LRP1B: variants seen among roughly 807,000 people sequenced by gnomAD.
LRP1B encodes the protein LDL receptor related protein 1B, also known as low-density lipoprotein receptor-related protein 1B.
LRP1B carries 217 observed loss-of-function variants against 556.6 expected under a neutral mutation model. The ratio of observed to expected loss-of-function variants is 0.39; its 90% confidence interval spans 0.35 to 0.44. LRP1B has a LOEUF of 0.44. LRP1B is among the 20% of genes least tolerant of loss of function. The pLI, the probability that LRP1B is intolerant of heterozygous loss-of-function variation, is 1.00. For missense variants in LRP1B, 5,053 were observed against 5,620.8 expected (o/e 0.90, Z 3.23); for synonymous variants, 2,047 against 1,865.8 (o/e 1.10, Z -2.50).
intron 35 of LRP1B, among the ~76,000 whole-genome samples, chr2:140,747,580 A>G (rs1170610392): frequency 6.6e-6 from 1 of 152,160 alleles, no homozygotes; most frequent in Non-Finnish European, 1.5e-5. Context: ...TTCAATGTCA[A>G]TTTGCAAGGA....
At chr2:140,761,829 T>C (rs925264539) in intron 35 of LRP1B, among the ~76,000 whole-genome samples, 11 of 151,346 alleles carry the variant, frequency 7.3e-5, no homozygotes, top group African/African-American at 2.7e-4. Flanking sequence ...ATAGAAGCTA[T>C]GACATTATAA....
chr2:141,378,148 TC>T (rs1689506061), intron 3 of LRP1B, among the ~76,000 whole-genome samples: 1 of 152,166 alleles, frequency 6.6e-6, no homozygotes, highest in African/African-American at 2.4e-5. Context: ...AAGGAAATAA[TC>T]TGATTTCCAG....
chr2:140,564,427 G>A lies in LRP1B; in HGVS notation c.7195-22456C>T, dbSNP rs572957663. On this transcript the variant is annotated intron_variant, in intron 43 of 90. Transcript: ENST00000389484. ...CACTTTAATCAAATATATCATATAA[G>A]TGTTATTTCTAAATGGTACCAGAAC... Among the ~76,000 whole-genome samples the A allele has an allele frequency of 2.6e-5, 4 of 152,158 alleles. 1 individual carries two copies. The South Asian group carries it at 8.3e-4, about 32-fold the overall frequency.
chr2:141,167,361 C>T (rs1275568220), intron 7 of LRP1B: 1 of 151,850 alleles, frequency 6.6e-6, no homozygotes, highest in Non-Finnish European at 1.5e-5. Context: ...TGGCAATTAA[C>T]ATTTTTAATT....
rs1440893805 is a variant in LRP1B, at chr2:141,254,422, C to T, written c.463+100G>A. On this transcript the variant is annotated intron_variant, in intron 4 of 90. Coordinates refer to ENST00000389484, the MANE Select transcript of LRP1B (RefSeq NM_018557.3). The stretch of plus-strand genomic sequence containing the variant: ...CTCAAGAAAGAAAAGTTAACATAAA[C>T]ACTGTAGAGCACATGGTAGGTGCTC... 4.3e-6 allele frequency: 5 copies of T among 1,167,878 alleles called. No homozygotes were observed. The East Asian group carries it at 1.3e-4, about 30-fold the overall frequency. 72.3% of individuals were successfully genotyped at this position (1,167,878 alleles called of 1,614,324 possible).
chr2:141,450,838 C>T (rs1198571265), intron 3 of LRP1B, among the ~76,000 whole-genome samples: 1 of 152,030 alleles, frequency 6.6e-6, no homozygotes. Flanking sequence ...TTTATTAACT[C>T]TAAAAGTTCA....
chr2:142,054,383 G>A (rs1394039354), intron 1 of LRP1B, among the ~76,000 whole-genome samples: 2 of 152,002 alleles, frequency 1.3e-5, no homozygotes, highest in Non-Finnish European at 2.9e-5. Flanking sequence ...CCCACTACTA[G>A]TCTTATTTTT....
intron 2 of LRP1B, among the ~76,000 whole-genome samples, chr2:141,745,732 G>A (rs1356917758): frequency 6.6e-6 from 1 of 151,848 alleles, no homozygotes; most frequent in Non-Finnish European, 1.5e-5. Context: ...TTTTCCTTCA[G>A]CTTTTCTCAA....
At chr2:141,639,349 T>TATATACACACACAC (rs1262198983) in intron 2 of LRP1B, among the ~76,000 whole-genome samples, 4 of 56,098 alleles carry the variant, frequency 7.1e-5, no homozygotes, top group Non-Finnish European at 1.3e-4. Context: ...TATATATATA[T>TATATACACACACAC]ACACACACAC....
intron 1 of LRP1B, among the ~76,000 whole-genome samples, chr2:141,971,296 G>GA (rs751241962): frequency 7.7e-4 from 117 of 151,386 alleles, no homozygotes; most frequent in Middle Eastern, 3.4e-3. Context: ...AAATATCCTT[G>GA]AAAAAAGTAT....
At chr2:141,285,999 G>A (rs1170718825) in intron 3 of LRP1B, among the ~76,000 whole-genome samples, 2 of 118,060 alleles carry the variant, frequency 1.7e-5, no homozygotes, top group African/African-American at 3.4e-5. Context: ...CCCGGGAGGC[G>A]GAGCTTGCAG....
At chr2:141,212,761 G>C (rs1196066683) in intron 6 of LRP1B, among the ~76,000 whole-genome samples, 3 of 152,032 alleles carry the variant, frequency 2.0e-5, no homozygotes. Context: ...GGAAGGTCAA[G>C]TACCTTATAT....
At chr2:140,864,041 A>G (rs529972412) in intron 27 of LRP1B, among the ~76,000 whole-genome samples, 1 of 151,790 alleles carries the variant, frequency 6.6e-6, no homozygotes, top group Non-Finnish European at 1.5e-5. Context: ...TTCTGTTCAG[A>G]TAACAGAACG....
At chr2:141,894,135 T>A (rs1699367700) in intron 1 of LRP1B, among the ~76,000 whole-genome samples, 2 of 152,136 alleles carry the variant, frequency 1.3e-5, no homozygotes, top group South Asian at 4.1e-4. Flanking sequence ...TGGCTGTAAC[T>A]CAGAAATAAA....
chr2:141,828,024 A>G (rs1026865580), intron 1 of LRP1B, among the ~76,000 whole-genome samples: 5 of 151,844 alleles, frequency 3.3e-5, no homozygotes, highest in Non-Finnish European at 7.4e-5. Context: ...CAGTATTTAG[A>G]TATTGTTTGA....
chr2:140,479,298 A>T (rs1448328087), intron 59 of LRP1B, among the ~76,000 whole-genome samples: 3 of 152,288 alleles, frequency 2.0e-5, no homozygotes, highest in Non-Finnish European at 4.4e-5. Flanking sequence ...ACCCTTAAAA[A>T]TTACCTATGT....
intron 2 of LRP1B, among the ~76,000 whole-genome samples, chr2:141,491,636 A>G (rs989443891): frequency 6.6e-6 from 1 of 152,046 alleles, no homozygotes; most frequent in South Asian, 2.1e-4. Flanking sequence ...AAAATCAGAG[A>G]GTTCCACACA....
intron 10 of LRP1B, among the ~76,000 whole-genome samples, chr2:141,049,998 C>G (rs1478887718): frequency 6.6e-6 from 1 of 151,850 alleles, no homozygotes; most frequent in African/African-American, 2.4e-5. Flanking sequence ...AAAATATATA[C>G]AAGATTCTCC....
intron 3 of LRP1B, among the ~76,000 whole-genome samples, chr2:141,476,966 G>A (rs1369137800): frequency 6.6e-6 from 1 of 151,912 alleles, no homozygotes; most frequent in Non-Finnish European, 1.5e-5. Context: ...TCTACCAAAA[G>A]TACAAAATTA....
Sources: allele counts gnomAD v4.1 joint callset (sites outside exome capture counted in the v4.1 genomes callset), GRCh38; gene constraint gnomAD v4.1.1; transcripts MANE v1.5; gene names NCBI Gene and HGNC (gene_info 2026-07-23, HGNC 2026-07-21).